Variants in PRKCH observed in about 807,000 individuals in gnomAD.
PRKCH encodes the protein protein kinase C eta type.
PRKCH carries 28 observed loss-of-function variants against 82.5 expected under a neutral mutation model. That is an observed-to-expected ratio of 0.34 (90% confidence interval 0.25 to 0.47). The LOEUF is 0.47. Ranked by LOEUF, PRKCH falls within the 20% of genes least tolerant of loss-of-function variation. The pLI is 1.00. For missense variants in PRKCH, 705 were observed against 881.8 expected (o/e 0.80, Z 2.54); for synonymous variants, 322 against 327.4 (o/e 0.98, Z 0.18).
At chr14:61,521,079 ATGTCC>A (rs1489529407) in intron 10 of PRKCH, among the ~76,000 whole-genome samples, 3 of 152,262 alleles carry the variant, frequency 2.0e-5, no homozygotes, top group Non-Finnish European at 4.4e-5. Context: ...AGATATAAAT[ATGTCC>A]AAGACAATTG....
intron 2 of PRKCH, among the ~76,000 whole-genome samples, chr14:61,392,251 A>G (rs546825620): frequency 1.3e-5 from 2 of 152,254 alleles, no homozygotes; most frequent in Non-Finnish European, 2.9e-5. Flanking sequence ...TGGACATAAC[A>G]CTTTCATTTA....
chr14:61,398,478 C>T (rs1489518057), intron 2 of PRKCH, among the ~76,000 whole-genome samples: 19 of 152,220 alleles, frequency 1.2e-4, no homozygotes, highest in Admixed American at 8.5e-4. Context: ...TAAGATTTTA[C>T]GATTTGAAGA....
At chr14:61,459,759 A>G (rs1044094701) in intron 9 of PRKCH, among the ~76,000 whole-genome samples, 1 of 152,244 alleles carries the variant, frequency 6.6e-6, no homozygotes, top group Non-Finnish European at 1.5e-5. Context: ...ATAAAAGCAT[A>G]TATATACAGC....
intron 1 of PRKCH, among the ~76,000 whole-genome samples, chr14:61,372,845 CA>C (rs2046380503): frequency 6.6e-6 from 1 of 151,560 alleles, no homozygotes; most frequent in Non-Finnish European, 1.5e-5. Flanking sequence ...TGGGTTTTAA[CA>C]AATGCTTAGT....
At chr14:61,528,973 C>CATGTGT (rs147160132) in intron 10 of PRKCH, 102 bp from the exon 11 acceptor site, 10 of 565,718 alleles carry the variant, frequency 1.8e-5, no homozygotes, top group Non-Finnish European at 2.6e-5. Context: ...TGTGGCCGCA[C>CATGTGT]GTGTGTGTGT....
At chr14:61,411,984 T>TG (rs1882292389) in intron 2 of PRKCH, among the ~76,000 whole-genome samples, 1 of 152,198 alleles carries the variant, frequency 6.6e-6, no homozygotes, top group African/African-American at 2.4e-5. Context: ...GCTTGCTTAG[T>TG]GGGGAATAAC....
chr14:61,537,005 G>T (rs188057626), intron 12 of PRKCH, among the ~76,000 whole-genome samples: 3 of 152,318 alleles, frequency 2.0e-5, no homozygotes, highest in Admixed American at 6.5e-5. Context: ...GGGTGCGGGG[G>T]TAGCTTGAGC....
intron 10 of PRKCH, among the ~76,000 whole-genome samples, chr14:61,499,037 G>C (rs1738215741): frequency 6.6e-6 from 1 of 152,118 alleles, no homozygotes. Context: ...AATAACCAAG[G>C]ATTAGACCGA....
At chr14:61,241,530 T>G (rs544537063) in intron 1 of PRKCH, among the ~76,000 whole-genome samples, 1 of 152,218 alleles carries the variant, frequency 6.6e-6, no homozygotes, top group Non-Finnish European at 1.5e-5. Context: ...ATCAGCCAAC[T>G]CATTAGCATA....
At chr14:61,373,256 A>G (rs1054258136) in intron 1 of PRKCH, among the ~76,000 whole-genome samples, 3 of 151,894 alleles carry the variant, frequency 2.0e-5, no homozygotes, top group African/African-American at 4.8e-5. Flanking sequence ...GTACAGAAGC[A>G]TGACTGGGAG....
At chr14:61,188,494 C>G (rs1434352393) in intron 1 of PRKCH, among the ~76,000 whole-genome samples, 1 of 152,034 alleles carries the variant, frequency 6.6e-6, no homozygotes, top group African/African-American at 2.4e-5. Flanking sequence ...GCTCCGCAAC[C>G]CAACCTCTTC....
chr14:61,525,521 TC>T (rs2042954657), intron 10 of PRKCH: 1 of 152,170 alleles, frequency 6.6e-6, no homozygotes, highest in African/African-American at 2.4e-5. Context: ...TCCCAAGACT[TC>T]CCCATGCAGA....
chr14:61,322,017 T>A lies in PRKCH; in HGVS notation c.-85T>A. ...AGGGCTGCCTCGACTCCTGCACCTG[T>A]CCCGAGGGCTGGCCTGAGACGGGAC... On this transcript the variant is annotated 5_prime_UTR_variant, in exon 1 of 14. Coordinates refer to ENST00000332981, the MANE Select transcript of PRKCH (RefSeq NM_006255.5). 7.1e-7 allele frequency: 1 copy of A among 1,416,140 alleles called. No individual in the cohort carries two copies. The highest frequency in any genetic ancestry group is 9.4e-7 in the Non-Finnish European group (1 of 1,064,800). 87.7% of individuals were successfully genotyped at this position (1,416,140 alleles called of 1,614,324 possible). A position where few individuals can be genotyped will look rare whatever the true frequency, so the allele number is the denominator to read the frequency against.
At chr14:61,497,766 A>G (rs551435637) in intron 10 of PRKCH, among the ~76,000 whole-genome samples, 37 of 152,070 alleles carry the variant, frequency 2.4e-4, no homozygotes, top group Non-Finnish European at 5.0e-4. Flanking sequence ...GTATAAGAGG[A>G]TGGGCTCTTT....
chr14:61,439,007 G>C (rs1883814976), intron 2 of PRKCH, among the ~76,000 whole-genome samples: 1 of 152,168 alleles, frequency 6.6e-6, no homozygotes. Flanking sequence ...CTGGGACACA[G>C]AGCCAGCTTC....
chr14:61,262,024 A>C (rs2045050091), intron 1 of PRKCH, among the ~76,000 whole-genome samples: 1 of 152,114 alleles, frequency 6.6e-6, no homozygotes, highest in South Asian at 2.1e-4. Context: ...GTTCATGACC[A>C]GCCTGGCCAA....
intron 1 of PRKCH, among the ~76,000 whole-genome samples, chr14:61,348,784 C>T (rs1462392428): frequency 6.6e-6 from 1 of 152,228 alleles, no homozygotes; most frequent in East Asian, 1.9e-4. Context: ...GCCTTCGTAG[C>T]CACTGGCACT....
At chr14:61,324,063 G>T in intron 1 of PRKCH, among the ~76,000 whole-genome samples, 1 of 152,162 alleles carries the variant, frequency 6.6e-6, no homozygotes, top group East Asian at 1.9e-4. Flanking sequence ...CACTTTTAAA[G>T]ATTCTAGATA....
chr14:61,497,362 G>A (rs943959931), intron 10 of PRKCH, among the ~76,000 whole-genome samples: 1 of 152,124 alleles, frequency 6.6e-6, no homozygotes, highest in Non-Finnish European at 1.5e-5. Context: ...GTGATGTGGA[G>A]GTGCATGTAA....
Sources: allele counts gnomAD v4.1 joint callset (sites outside exome capture counted in the v4.1 genomes callset), GRCh38; gene constraint gnomAD v4.1.1; transcripts MANE v1.5; gene names NCBI Gene and HGNC (gene_info 2026-07-23, HGNC 2026-07-21).